Variants in ART3 observed in about 807,000 individuals in gnomAD.
The protein encoded by ART3 is ecto-ADP-ribosyltransferase 3.
In ART3, 49 loss-of-function variants were observed where a neutral mutation model predicts 48.5. That is an observed-to-expected ratio of 1.01 (90% CI 0.80 to 1.28). The LOEUF (loss-of-function observed/expected upper bound fraction) is 1.28, where lower values mean the gene tolerates loss of function less well. ART3 is among the 50% of genes most tolerant of loss of function. ART3 has a pLI of 0.00. For synonymous variants in ART3, 145 were observed against 157.2 expected (o/e 0.92, Z 0.58); for missense variants, 438 against 454.3 (o/e 0.96, Z 0.33).
chr4:76,021,365 T>C (rs1249453585), intron 1 of ART3: 2 of 152,814 alleles, frequency 1.3e-5, no homozygotes, highest in Non-Finnish European at 2.9e-5. Flanking sequence ...CTAAGACTTC[T>C]ACTTTGTACA....
At chr4:76,051,007 C>T (rs532642742) in intron 1 of ART3, among the ~76,000 whole-genome samples, 4 of 150,888 alleles carry the variant, frequency 2.7e-5, no homozygotes, top group South Asian at 2.1e-4. Flanking sequence ...TGCAAGCCCA[C>T]GCGCAGCCCT....
At chr4:76,097,344 A>G (rs758801677) in intron 3 of ART3, among the ~76,000 whole-genome samples, 2 of 151,926 alleles carry the variant, frequency 1.3e-5, no homozygotes, top group Non-Finnish European at 2.9e-5. Flanking sequence ...AGCTGGGACT[A>G]CAGGTGTGTG....
At chr4:76,019,946 A>G (rs1351174072) in intron 1 of ART3, among the ~76,000 whole-genome samples, 4 of 152,050 alleles carry the variant, frequency 2.6e-5, no homozygotes, top group African/African-American at 7.2e-5. Flanking sequence ...ATCCTTGGCA[A>G]TGGTTGATGT....
At chr4:76,040,194 G>T (rs898768331) in intron 1 of ART3, among the ~76,000 whole-genome samples, 1 of 152,008 alleles carries the variant, frequency 6.6e-6, no homozygotes, top group African/African-American at 2.4e-5. Flanking sequence ...GTATGGTGGC[G>T]CATGCCTGTA....
At position 76,040,992 on chromosome 4, in the gene ART3, C is replaced by G. The variant is rs370743903; in HGVS notation, c.-10+29672C>G. Reference sequence around the variant, plus strand: ...CTTAGAGTGTCCTGGAAAGCACTACCCTTTTCTATAGTAGTTCATTTATTC... The same window carrying G: ...CTTAGAGTGTCCTGGAAAGCACTACGCTTTTCTATAGTAGTTCATTTATTC... On this transcript the variant is annotated intron_variant, in intron 1 of 9. Transcript: ENST00000341029. 14 of 152,280 alleles carry G rather than the reference C, an allele frequency of 9.2e-5. 1 individual carries two copies. Among genetic ancestry groups the G allele is most frequent in the African/African-American group, 3.4e-4 (14 of 41,556 alleles). The allele number at this position is 152,280 out of a possible 1,614,324, so 9.4% of individuals were successfully genotyped here. A position where few individuals can be genotyped will look rare whatever the true frequency, so the allele number is the denominator to read the frequency against.
Position 76,103,938 on chromosome 4 carries a change from T to C in ART3, c.939T>C (p.Gly313=), listed in dbSNP as rs554591637. The C allele has an allele frequency of 2.4e-5, 38 of 1,613,056 alleles. No individual in the cohort carries two copies. The South Asian group carries it at 4.1e-4, about 17-fold the overall frequency. Residue 313 remains glycine, a splice_region_variant and synonymous_variant, in exon 9 of 12, where the codon GGT becomes GGC. Coordinates refer to ENST00000355810, the MANE Select transcript of ART3 (RefSeq NM_001130016.3). The part of the protein sequence containing the change: ...GEKNQKLEDH[G]VKILEPTQIP... The stretch of plus-strand genomic sequence containing the variant: ...ACCAATATTTATTTCTGCCTTTAGG[T>C]GTGAAAATCCTTGAACCCACCCAAA...
At chr4:76,017,054 G>A (rs949510790) in intron 1 of ART3, among the ~76,000 whole-genome samples, 4 of 151,908 alleles carry the variant, frequency 2.6e-5, no homozygotes, top group Non-Finnish European at 5.9e-5. Context: ...GAGCCCACTT[G>A]GTGCTCTACC....
At chr4:76,072,109 A>G (rs1178176546), upstream of ART3, among the ~76,000 whole-genome samples, 1 of 152,066 alleles carries the variant, frequency 6.6e-6, no homozygotes, top group Non-Finnish European at 1.5e-5. Context: ...TGTAGAGACA[A>G]GGTCTCCCTG....
chr4:76,034,933 A>G, intron 1 of ART3: 1 of 1,353,456 alleles, frequency 7.4e-7, no homozygotes, highest in Non-Finnish European at 1.0e-6. Context: ...TTAACAGAAT[A>G]TTTCACACAG....
chr4:76,025,865 AT>A (rs1357643626), intron 1 of ART3, among the ~76,000 whole-genome samples: 2 of 151,738 alleles, frequency 1.3e-5, no homozygotes, highest in African/African-American at 2.4e-5. Context: ...TTTTTTTATA[AT>A]TTTTTTTCTG....
intron 1 of ART3, among the ~76,000 whole-genome samples, 159 bp downstream of exon 1, chr4:76,074,978 G>A (rs1293063051): frequency 1.3e-5 from 2 of 152,172 alleles, no homozygotes; most frequent in Non-Finnish European, 2.9e-5. Context: ...AAAGTAGCAT[G>A]TTGGTACTAT....
chr4:76,028,739 T>C (rs1156913414), intron 1 of ART3, among the ~76,000 whole-genome samples: 1 of 152,220 alleles, frequency 6.6e-6, no homozygotes, highest in Non-Finnish European at 1.5e-5. Flanking sequence ...TTACATACTT[T>C]TCAATTACCC....
chr4:76,112,553 TTGAAA>T lies in ART3; in HGVS notation c.*36_*40del, dbSNP rs1729690612. The T allele has an allele frequency of 6.3e-6, 10 of 1,591,474 alleles. No individual in the cohort carries two copies. Among genetic ancestry groups the T allele is most frequent in the Non-Finnish European group, 8.6e-6 (10 of 1,167,002 alleles). ...ATTGTTTATCTTTCTTATTCTTTAC[TTGAAA>T]TAACTATAGGGATCCACAGGAGATC... On this transcript the variant is annotated 3_prime_UTR_variant, in exon 12 of 12. Coordinates refer to ENST00000355810, the MANE Select transcript of ART3 (RefSeq NM_001130016.3).
chr4:76,029,499 G>T (rs1487213487), intron 1 of ART3, among the ~76,000 whole-genome samples: 1 of 152,072 alleles, frequency 6.6e-6, no homozygotes, highest in Non-Finnish European at 1.5e-5. Flanking sequence ...CCAGTGTCTG[G>T]TTAATAAAAT....
chr4:76,036,017 G>T, intron 1 of ART3: 1 of 1,607,204 alleles, frequency 6.2e-7, no homozygotes, highest in Non-Finnish European at 8.5e-7. Flanking sequence ...TGCTGGTGCT[G>T]CTGCTGCTAC....
intron 1 of ART3, among the ~76,000 whole-genome samples, chr4:76,047,700 A>G (rs1397521495): frequency 2.0e-5 from 3 of 151,980 alleles, no homozygotes; most frequent in African/African-American, 7.2e-5. Flanking sequence ...CTGGTAGGGA[A>G]TTTGTCCCTT....
At chr4:76,062,985 C>A (rs1311733223) in intron 1 of ART3, among the ~76,000 whole-genome samples, 1 of 152,122 alleles carries the variant, frequency 6.6e-6, no homozygotes, top group African/African-American at 2.4e-5. Flanking sequence ...AAGTCCCTTA[C>A]CTCCTTCAGG....
chr4:76,034,158 A>G (rs1734122756), intron 1 of ART3: 1 of 318,142 alleles, frequency 3.1e-6, no homozygotes, highest in Non-Finnish European at 5.7e-6. Flanking sequence ...AAAACAAACC[A>G]AATGATGCAT....
intron 1 of ART3, chr4:76,035,203 G>A (rs747019137): frequency 1.2e-6 from 2 of 1,613,926 alleles, no homozygotes; most frequent in African/African-American, 2.7e-5. Flanking sequence ...TCTTCAGCAA[G>A]TTCATTACTT....
Sources: gnomAD v4.1 joint callset for allele counts (sites outside exome capture counted in the v4.1 genomes callset) on GRCh38, gnomAD v4.1.1 for gene constraint, MANE v1.5 for transcripts, NCBI Gene and HGNC (gene_info 2026-07-23, HGNC 2026-07-21) for gene names.